Variants in DCSTAMP observed in about 807,000 individuals in gnomAD.
DCSTAMP encodes the protein dendritic cell-specific transmembrane protein.
DCSTAMP carries 25 observed loss-of-function variants against 33.8 expected under a neutral mutation model. The observed-to-expected ratio is 0.74, with a 90% CI of 0.54 to 1.03. DCSTAMP has a LOEUF of 1.03. Ranked by LOEUF, DCSTAMP falls within the 50% of genes least tolerant of loss-of-function variation. The pLI is 0.00. For synonymous variants in DCSTAMP, 245 were observed against 216.7 expected, an observed-to-expected ratio of 1.13 and a Z score of -1.15; for missense variants, 531 against 556.8, an observed-to-expected ratio of 0.95 and a Z score of 0.47.
At chr8:104,343,793 A>C (rs2099383398) in intron 1 of DCSTAMP, among the ~76,000 whole-genome samples, 1 of 152,222 alleles carries the variant, frequency 6.6e-6, no homozygotes, top group Non-Finnish European at 1.5e-5. Context: ...TCTCCCCGCC[A>C]TGTGAGGACA....
At chr8:104,340,270 T>C (rs2099382551) in intron 1 of DCSTAMP, 1 of 152,228 alleles carries the variant, frequency 6.6e-6, no homozygotes, top group African/African-American at 2.4e-5. Context: ...CATTAATCTT[T>C]CCTTTCTTGT....
In DCSTAMP at chr8:104,341,400, C is replaced by T. The variant is rs570099185; in HGVS notation, c.-13+1538C>T. On this transcript the variant is annotated intron_variant, in intron 1 of 3. Coordinates refer to ENST00000297581, the MANE Select transcript of DCSTAMP (RefSeq NM_030788.4). ...AGTGCTCAGGAATGCCGGTCTCCTT[C>T]ACTCATCAAAAAGGTGGCCAAACAG... is the stretch of plus-strand genomic sequence containing the variant. Among the ~76,000 whole-genome samples, 4 of 152,344 alleles carry T rather than the reference C, an allele frequency of 2.6e-5. No homozygotes were observed. In the South Asian group the frequency reaches 8.3e-4, roughly 32 times the overall value.
chr8:104,350,641 C>T (rs1422034200), intron 2 of DCSTAMP, among the ~76,000 whole-genome samples: 2 of 152,132 alleles, frequency 1.3e-5, no homozygotes, highest in Non-Finnish European at 2.9e-5. Flanking sequence ...AGTTTCAGGC[C>T]TCGATTTACA....
At chr8:104,354,242 G>A (rs1260371472) in intron 2 of DCSTAMP, among the ~76,000 whole-genome samples, 2 of 152,176 alleles carry the variant, frequency 1.3e-5, no homozygotes, top group African/African-American at 4.8e-5. Context: ...TATCAACCCA[G>A]AAGGGAATAT....
chr8:104,354,290 A>G (rs1810550713), intron 2 of DCSTAMP, among the ~76,000 whole-genome samples: 1 of 152,268 alleles, frequency 6.6e-6, no homozygotes, highest in East Asian at 1.9e-4. Flanking sequence ...TAAGCTCCAG[A>G]AGGTAGATGT....
At chr8:104,350,316 C>T (rs541080149) in intron 2 of DCSTAMP, among the ~76,000 whole-genome samples, 5 of 152,288 alleles carry the variant, frequency 3.3e-5, no homozygotes, top group South Asian at 2.1e-4. Context: ...CTAAGAGACA[C>T]GGATTTAGGG....
chr8:104,349,475 T>G lies in DCSTAMP; in HGVS notation c.923T>G (p.Val308Gly), dbSNP rs1305383096. 6.2e-7 allele frequency: 1 copy of G among 1,614,200 alleles called. No individual in the cohort carries two copies. Among genetic ancestry groups the G allele is most frequent in the East Asian group, 2.2e-5 (1 of 44,882 alleles). Residue 308 changes from valine (V) to glycine (G), a missense_variant, in exon 2 of 4, where the codon GTG becomes GGG. Coordinates refer to ENST00000297581, the MANE Select transcript of DCSTAMP (RefSeq NM_030788.4). ...ATACTTATCCATCTCTGCATCTGGG[T>G]GCTGTTTGCAGCTGTAGATTATCTG... is the stretch of plus-strand genomic sequence containing the variant. ...LPILIHLCIW[V>G]LFAAVDYLLY...
intron 1 of DCSTAMP, among the ~76,000 whole-genome samples, chr8:104,341,149 C>A (rs187531376): frequency 6.6e-6 from 1 of 152,324 alleles, no homozygotes; most frequent in African/African-American, 2.4e-5. Flanking sequence ...CCCACACTTT[C>A]AATAGCAGTA....
chr8:104,346,559 A>C (rs1023508483), intron 1 of DCSTAMP, among the ~76,000 whole-genome samples: 13 of 152,308 alleles, frequency 8.5e-5, no homozygotes, highest in African/African-American at 2.9e-4. Context: ...TTACCATTCT[A>C]ATTCCCTTTC....
rs1275650629 is a variant in DCSTAMP, at chr8:104,349,249, C to T, written c.697C>T (p.Arg233Ter). ...VLLGTGLFMK[R>*]FLGPCGWKYE... ...GCTTGGCACTGGCCTCTTCATGAAG[C>T]GATTTTTGGGCCCTTGTGGTTGGAA... The change falls in exon 2 of 4, where the codon CGA becomes TGA. Residue 233 changes from arginine to a stop codon, truncating the protein, a stop_gained. Coordinates refer to ENST00000297581, the MANE Select transcript of DCSTAMP (RefSeq NM_030788.4). LOFTEE classifies it high-confidence loss of function. 4 of 1,614,132 alleles carry T rather than the reference C, an allele frequency of 2.5e-6. No homozygotes were observed. The highest frequency in any genetic ancestry group is 3.4e-6 in the Non-Finnish European group (4 of 1,180,028).
At position 104,355,131 on chromosome 8, in the gene DCSTAMP, A is replaced by T; in HGVS notation, c.1284A>T (p.Arg428Ser). The T allele has an allele frequency of 6.2e-7, 1 of 1,614,120 alleles. No individual in the cohort carries two copies. Residue 428 changes from arginine (R) to serine (S), a missense_variant, in exon 3 of 4, where the codon AGA becomes AGT. Coordinates refer to ENST00000297581, the MANE Select transcript of DCSTAMP (RefSeq NM_030788.4). ...QYLHAKLLKK[R>S]SKQPLGEVKR... Reference sequence around the variant, plus strand: ...TGCATGCAAAGCTGCTTAAAAAAAGATCAAAGCAGCCGCTGGGAGAAGTCA... The same window carrying T: ...TGCATGCAAAGCTGCTTAAAAAAAGTTCAAAGCAGCCGCTGGGAGAAGTCA...
At chr8:104,341,656 A>G (rs983644232) in intron 1 of DCSTAMP, among the ~76,000 whole-genome samples, 4 of 152,242 alleles carry the variant, frequency 2.6e-5, no homozygotes, top group Non-Finnish European at 5.9e-5. Context: ...AGCCAGATGC[A>G]CAGACTGCAT....
Position 104,349,299 on chromosome 8 carries a change from AC to A in DCSTAMP, c.748del (p.Gln250AsnfsTer20), listed in dbSNP as rs757950369. ...WKYENIYITR[Q>X]FVQFDERERH... is the part of the protein sequence containing the mutation. ...AGTATGAAAACATCTACATCACCAG[AC>A]AATTTGTTCAGTTTGATGAAAGGGA... On this transcript the variant is annotated frameshift_variant, in exon 2 of 4. Coordinates refer to ENST00000297581, the MANE Select transcript of DCSTAMP (RefSeq NM_030788.4). LOFTEE classifies it high-confidence loss of function. 9 of 1,614,162 alleles carry A rather than the reference AC, an allele frequency of 5.6e-6. No homozygotes were observed. The highest frequency in any genetic ancestry group is 7.6e-6 in the Non-Finnish European group (9 of 1,180,032).
Position 104,355,129 on chromosome 8 carries a change from A to G in DCSTAMP, c.1282A>G (p.Arg428Gly), listed in dbSNP as rs1810584493. Residue 428 changes from arginine to glycine, a missense_variant, in exon 3 of 4, where the codon AGA (arginine) becomes GGA (glycine). Arg to Gly is a moderately radical substitution (Grantham distance 125, BLOSUM62 -2). Coordinates refer to ENST00000297581, the MANE Select transcript of DCSTAMP (RefSeq NM_030788.4). ...QYLHAKLLKKRSKQPLGEVKR... is the reference protein window; with the variant it reads ...QYLHAKLLKKGSKQPLGEVKR... ...TCTGCATGCAAAGCTGCTTAAAAAAAGATCAAAGCAGCCGCTGGGAGAAGT... is the reference window on the plus strand; with the variant it reads ...TCTGCATGCAAAGCTGCTTAAAAAAGGATCAAAGCAGCCGCTGGGAGAAGT... 1 of 1,614,002 alleles carries G rather than the reference A, an allele frequency of 6.2e-7. No homozygotes were observed. The highest frequency in any genetic ancestry group is 1.1e-5 in the South Asian group (1 of 91,074).
intron 1 of DCSTAMP, among the ~76,000 whole-genome samples, chr8:104,347,690 C>T (rs920879275): frequency 6.6e-6 from 1 of 152,278 alleles, no homozygotes; most frequent in South Asian, 2.1e-4. Flanking sequence ...AGTTGGACGG[C>T]TATTGGCTGA....
chr8:104,349,704 A>AC, intron 2 of DCSTAMP, 123 bp downstream of exon 2: 16 of 1,124,908 alleles, frequency 1.4e-5, no homozygotes, highest in Non-Finnish European at 2.0e-5. Context: ...GGTGCCCAGC[A>AC]TAGTGCTTGG....
In DCSTAMP at chr8:104,354,934, C is replaced by A; in HGVS notation, c.1087C>A (p.Pro363Thr). ...DSSFNISVFE[P>T]NCIPKPKFLL... ...TTCCTTTAATATATCTGTGTTTGAA[C>A]CCAACTGTATCCCAAAACCAAAATT... Residue 363 changes from proline (P) to threonine (T), a missense_variant, in exon 3 of 4, where the codon CCC becomes ACC. Pro to Thr is a conservative substitution (Grantham distance 38). Transcript: ENST00000297581. The A allele has an allele frequency of 6.2e-7, 1 of 1,612,048 alleles. No individual in the cohort carries two copies. The highest frequency in any genetic ancestry group is 8.5e-7 in the Non-Finnish European group (1 of 1,178,108).
chr8:104,341,784 G>A (rs2099382907), intron 1 of DCSTAMP, among the ~76,000 whole-genome samples: 1 of 152,184 alleles, frequency 6.6e-6, no homozygotes, highest in Non-Finnish European at 1.5e-5. Context: ...AAGAGAGATG[G>A]GGCCCTTGGT....
chr8:104,352,028 G>A (rs2514671), intron 2 of DCSTAMP, among the ~76,000 whole-genome samples: 94,937 of 152,064 alleles, frequency 0.62, 30,855 homozygotes, highest in Non-Finnish European at 0.72. Flanking sequence ...CTGTTTCCAC[G>A]GGTCTGATTT....
Sources: allele counts gnomAD v4.1 joint callset (sites outside exome capture counted in the v4.1 genomes callset), GRCh38; gene constraint gnomAD v4.1.1; transcripts MANE v1.5; gene names NCBI Gene and HGNC (gene_info 2026-07-23, HGNC 2026-07-21).